ETV1: variants seen among roughly 807,000 people sequenced by gnomAD.
ETV1 encodes the protein ETS variant transcription factor 1.
Under a neutral mutation model 62.3 loss-of-function variants are expected in ETV1, and 27 were observed. The ratio of observed to expected loss-of-function variants is 0.43; its 90% CI spans 0.32 to 0.60. The LOEUF (loss-of-function observed/expected upper bound fraction) is 0.60, where lower values mean the gene tolerates loss of function less well. Ranked by LOEUF, ETV1 falls within the 20% of genes least tolerant of loss-of-function variation. The pLI, the probability that ETV1 is intolerant of heterozygous loss-of-function variation, is 0.06. For missense variants in ETV1, 605 were observed against 605.8 expected (o/e 1.00, Z 0.01); for synonymous variants, 222 against 199.6 (o/e 1.11, Z -0.94).
intron 6 of ETV1, among the ~76,000 whole-genome samples, chr7:13,969,848 T>C (rs1434423011): frequency 2.0e-5 from 3 of 152,178 alleles, no homozygotes; most frequent in South Asian, 4.1e-4. Context: ...ATTTAGTATG[T>C]AGGACAACTA....
chr7:13,931,649 T>C lies in ETV1; in HGVS notation c.655A>G (p.Asn219Asp), dbSNP rs745655098. 1.2e-6 allele frequency: 2 copies of C among 1,613,924 alleles called. No homozygotes were observed. Among genetic ancestry groups the C allele is most frequent in the Non-Finnish European group, 1.7e-6 (2 of 1,179,910 alleles). The part of the protein sequence containing the change: ...PMYQRQMSEP[N>D]IPFPPQGFKQ... ...AAGCCTTGTGGTGGGAAGGGGATGT[T>C]TGGCTCAGACATCTGGCGTTGGTAC... is the stretch of plus-strand genomic sequence containing the variant. Residue 219 changes from asparagine to aspartate, a missense_variant, in exon 9 of 14, where the codon AAC (asparagine) becomes GAC (aspartate). Physicochemically the swap from Asn to Asp is conservative, Grantham distance 23 (BLOSUM62 1). Transcript: ENST00000430479.
chr7:13,904,257 C>G (rs575955593), intron 12 of ETV1, among the ~76,000 whole-genome samples: 5 of 152,336 alleles, frequency 3.3e-5, no homozygotes, highest in African/African-American at 9.6e-5. Context: ...GTGCTTATTG[C>G]ACAATTCCCA....
intron 6 of ETV1, among the ~76,000 whole-genome samples, chr7:13,957,175 T>G (rs145990018): frequency 0.046 from 7,027 of 152,198 alleles, 448 homozygotes; most frequent in African/African-American, 0.15. Context: ...AAGTTCCGCC[T>G]CCCAGGTTTA....
chr7:13,916,738 G>A (rs1162361767), intron 9 of ETV1, among the ~76,000 whole-genome samples: 1 of 152,086 alleles, frequency 6.6e-6, no homozygotes, highest in Non-Finnish European at 1.5e-5. Context: ...AGACCAGCCT[G>A]GGCAATATGG....
Position 13,930,323 on chromosome 7 carries a change from A to T in ETV1, c.802+1179T>A, listed in dbSNP as rs551028238. ...GGCAAAGTTGGTGGTACTATTTGGA[A>T]AAAAAATTTTTTTTTTGAGACGGAG... On this transcript the variant is annotated intron_variant, in intron 9 of 13. Coordinates refer to ENST00000430479, the MANE Select transcript of ETV1 (RefSeq NM_004956.5). 8.8e-4 allele frequency among the ~76,000 whole-genome samples: 133 copies of T among 151,872 alleles called. 1 individual carries two copies. Among genetic ancestry groups the T allele is most frequent in the African/African-American group, 3.2e-3 (132 of 41,540 alleles).
intron 5 of ETV1, among the ~76,000 whole-genome samples, chr7:13,978,818 C>T (rs950420665): frequency 5.9e-5 from 9 of 151,882 alleles, no homozygotes; most frequent in Non-Finnish European, 1.2e-4. Flanking sequence ...ATAAAATTTA[C>T]GTTATATTAT....
chr7:13,901,258 G>GCCTC (rs1336961029), intron 12 of ETV1, among the ~76,000 whole-genome samples: 1 of 152,184 alleles, frequency 6.6e-6, no homozygotes, highest in Non-Finnish European at 1.5e-5. Flanking sequence ...ACCCACCTTG[G>GCCTC]CCTCCAAAAG....
intron 8 of ETV1, among the ~76,000 whole-genome samples, chr7:13,934,938 G>C (rs35638429): frequency 3.3e-5 from 5 of 151,952 alleles, no homozygotes; most frequent in Admixed American, 2.6e-4. Flanking sequence ...CAGAAGCACA[G>C]GGCAGAAGAG....
At chr7:13,939,277 A>G in intron 6 of ETV1, 31 bp from the exon 7 acceptor site, 1 of 1,588,576 alleles carries the variant, frequency 6.3e-7, no homozygotes. Context: ...ATCCACAAAA[A>G]TTAAATGCTG....
intron 12 of ETV1, among the ~76,000 whole-genome samples, chr7:13,905,192 A>C (rs980033767): frequency 3.9e-5 from 6 of 152,000 alleles, no homozygotes; most frequent in Non-Finnish European, 5.9e-5. Context: ...CTGGGCATCA[A>C]ATTAGGGCAT....
chr7:13,958,522 A>G (rs1789754280), intron 6 of ETV1, among the ~76,000 whole-genome samples: 1 of 152,188 alleles, frequency 6.6e-6, no homozygotes, highest in African/African-American at 2.4e-5. Flanking sequence ...TGTAGTAAGC[A>G]CACATGTATT....
intron 6 of ETV1, among the ~76,000 whole-genome samples, chr7:13,949,011 T>C (rs1788488387): frequency 6.6e-6 from 1 of 152,134 alleles, no homozygotes; most frequent in Non-Finnish European, 1.5e-5. Context: ...CTTTGAGAAA[T>C]TTCAAGGAAT....
At chr7:13,946,333 G>C (rs1034741232) in intron 6 of ETV1, among the ~76,000 whole-genome samples, 6 of 152,134 alleles carry the variant, frequency 3.9e-5, no homozygotes, top group African/African-American at 1.4e-4. Flanking sequence ...TTTTTTCTTT[G>C]ATGGAAGCTT....
chr7:13,937,796 T>A (rs1250644276), intron 7 of ETV1, among the ~76,000 whole-genome samples: 3 of 152,254 alleles, frequency 2.0e-5, no homozygotes, highest in Non-Finnish European at 2.9e-5. Flanking sequence ...AGACCTTTTT[T>A]ATAAAACTTT....
At chr7:13,961,470 T>C (rs1028937040) in intron 6 of ETV1, among the ~76,000 whole-genome samples, 1 of 152,230 alleles carries the variant, frequency 6.6e-6, no homozygotes, top group African/African-American at 2.4e-5. Context: ...AGCACCCTTC[T>C]AATGTAGTTC....
chr7:13,936,222 A>G (rs966012655), intron 7 of ETV1, among the ~76,000 whole-genome samples: 4 of 152,210 alleles, frequency 2.6e-5, no homozygotes, highest in African/African-American at 9.6e-5. Context: ...TGATATATCT[A>G]TTTGAGAAAG....
intron 9 of ETV1, among the ~76,000 whole-genome samples, chr7:13,916,431 G>T (rs1784163009): frequency 1.3e-5 from 2 of 149,762 alleles, no homozygotes; most frequent in Admixed American, 6.7e-5. Context: ...TGAGGTCAGG[G>T]GTTCGAGACC....
chr7:13,968,950 G>T (rs1466119552), intron 6 of ETV1, among the ~76,000 whole-genome samples: 1 of 152,032 alleles, frequency 6.6e-6, no homozygotes, highest in Admixed American at 6.5e-5. Context: ...ACTTTTCATT[G>T]GATTTTCATT....
chr7:13,964,686 C>T (rs1790577513), intron 6 of ETV1, among the ~76,000 whole-genome samples: 1 of 151,840 alleles, frequency 6.6e-6, no homozygotes, highest in Admixed American at 6.6e-5. Context: ...TTCTGAATAA[C>T]AAAATGGGTG....
Sources: allele counts gnomAD v4.1 joint callset (sites outside exome capture counted in the v4.1 genomes callset), GRCh38; gene constraint gnomAD v4.1.1; transcripts MANE v1.5; gene names NCBI Gene and HGNC (gene_info 2026-07-23, HGNC 2026-07-21).